Variants in RILPL1 observed in about 807,000 individuals in gnomAD.
RILPL1 encodes the protein Rab interacting lysosomal protein like 1.
RILPL1 carries 33 observed loss-of-function variants against 50.3 expected under a neutral mutation model. The ratio of observed to expected loss-of-function variants is 0.66; its 90% CI spans 0.50 to 0.88. The LOEUF (loss-of-function observed/expected upper bound fraction) is 0.88. Ranked by LOEUF, RILPL1 falls within the 40% of genes least tolerant of loss-of-function variation. RILPL1 has a pLI of 0.00. For missense variants in RILPL1, 418 were observed against 542.5 expected (o/e 0.77, Z 2.28); for synonymous variants, 205 against 228.6 (o/e 0.90, Z 0.93).
At chr12:123,520,464 C>T (rs374087204) in intron 2 of RILPL1, among the ~76,000 whole-genome samples, 12 of 152,112 alleles carry the variant, frequency 7.9e-5, no homozygotes, top group African/African-American at 2.9e-4. Flanking sequence ...GAGGCTGAGG[C>T]AGGAGGATCA....
rs1399502086 is a variant in RILPL1, at chr12:123,533,507, G to A, written c.-25C>T. On this transcript the variant is annotated 5_prime_UTR_variant, in exon 1 of 7. Coordinates refer to ENST00000376874, the MANE Select transcript of RILPL1 (RefSeq NM_178314.5). This position sits in a 1 kb window ranked among gnomAD's most constrained non-coding sequence, Gnocchi z 6.2. Reference sequence around the variant, plus strand: ...TGGCCACCCTCCTGGCCTGTCCCCCGCCCCGCAAACTCGTGCAACTCCCAA... The same window carrying A: ...TGGCCACCCTCCTGGCCTGTCCCCCACCCCGCAAACTCGTGCAACTCCCAA... 2 of 1,478,974 alleles carry A rather than the reference G, an allele frequency of 1.4e-6. No homozygotes were observed. The highest frequency in any genetic ancestry group is 1.8e-6 in the Non-Finnish European group (2 of 1,109,310). The allele number at this position is 1,478,974 out of a possible 1,614,324, so 91.6% of individuals were successfully genotyped here.
rs1046763646 is a variant in RILPL1, at chr12:123,475,705, T to C, written c.1068-3023A>G. 2.5e-6 allele frequency: 4 copies of C among 1,594,398 alleles called. No individual in the cohort carries two copies. The African/African-American group carries it at 5.3e-5, about 21-fold the overall frequency. ...GGACAGGCTGCAGTGTGGGGTCATC[T>C]ATTATCAGTCCCGCTGCTACCATAG... On this transcript the variant is annotated intron_variant, in intron 6 of 6. Transcript: ENST00000376874.
At position 123,523,586 on chromosome 12, in the gene RILPL1, G is replaced by A. The variant is rs776535034; in HGVS notation, c.369C>T (p.Ile123=). ...GCTTGTTCTCCTCCTGCAGCTGGGC[G>A]ATCTGGGAGAGGAGGTCCTGCGCCT... ...RGEAQDLLSQ[I]AQLQEENKQL... is the part of the protein sequence containing the mutation. Residue 123 remains isoleucine, a synonymous_variant, in exon 2 of 7, where the codon ATC becomes ATT. Transcript: ENST00000376874. The A allele has an allele frequency of 1.1e-5, 18 of 1,613,854 alleles. No homozygotes were observed. Among genetic ancestry groups the A allele is most frequent in the Middle Eastern group, 1.6e-4 (1 of 6,084 alleles).
At chr12:123,492,781 G>A (rs960856003) in intron 4 of RILPL1, among the ~76,000 whole-genome samples, 2 of 152,052 alleles carry the variant, frequency 1.3e-5, no homozygotes, top group South Asian at 2.1e-4. Flanking sequence ...CCCCAACCCC[G>A]TGCTCTCTGA....
intron 6 of RILPL1, among the ~76,000 whole-genome samples, chr12:123,481,559 C>CT (rs113872165): frequency 0.093 from 13,131 of 141,830 alleles, 1,102 homozygotes; most frequent in African/African-American, 0.22. Context: ...AATTTGTTTT[C>CT]TTTTTTTTTT....
intron 4 of RILPL1, among the ~76,000 whole-genome samples, chr12:123,497,520 C>G (rs1883103977): frequency 6.6e-6 from 1 of 152,132 alleles, no homozygotes; most frequent in Non-Finnish European, 1.5e-5. Flanking sequence ...TCCCAAGTAG[C>G]TGGGATAACA....
chr12:123,479,277 C>G (rs1485709342), intron 6 of RILPL1, among the ~76,000 whole-genome samples: 1 of 152,024 alleles, frequency 6.6e-6, no homozygotes, highest in Non-Finnish European at 1.5e-5. Flanking sequence ...TACTTTAGTT[C>G]AAGTACTCTA....
intron 1 of RILPL1, among the ~76,000 whole-genome samples, chr12:123,528,787 T>C (rs1187587748): frequency 6.6e-6 from 1 of 151,274 alleles, no homozygotes; most frequent in Non-Finnish European, 1.5e-5. Flanking sequence ...CCCTAAATTC[T>C]TTTTTTTTCT....
intron 2 of RILPL1, among the ~76,000 whole-genome samples, chr12:123,510,050 C>T (rs549831827): frequency 5.9e-5 from 9 of 152,308 alleles, no homozygotes; most frequent in South Asian, 4.1e-4. Context: ...GGGAGCCCAG[C>T]GGCAGGGCAG....
chr12:123,517,233 T>G (rs1229844547), intron 2 of RILPL1, among the ~76,000 whole-genome samples: 1 of 152,138 alleles, frequency 6.6e-6, no homozygotes, highest in Non-Finnish European at 1.5e-5. Flanking sequence ...GAAGGACTCC[T>G]GCTGAGAGGC....
chr12:123,501,106 C>G (rs1176808325), intron 2 of RILPL1, among the ~76,000 whole-genome samples: 1 of 151,060 alleles, frequency 6.6e-6, no homozygotes, highest in African/African-American at 2.4e-5. Flanking sequence ...AAGACTCTGT[C>G]CCAAAAATAA....
chr12:123,475,640 C>A (rs773624323), intron 6 of RILPL1: 1 of 1,531,842 alleles, frequency 6.5e-7, no homozygotes. Context: ...TCAAACAAAA[C>A]CCAAAACACA....
chr12:123,521,033 C>T (rs1000722117), intron 2 of RILPL1, among the ~76,000 whole-genome samples: 5 of 152,308 alleles, frequency 3.3e-5, no homozygotes, highest in African/African-American at 4.8e-5. Flanking sequence ...CACTAACTTG[C>T]TGTGTGACCT....
At chr12:123,530,023 C>T (rs1156323580) in intron 1 of RILPL1, among the ~76,000 whole-genome samples, 13 of 152,070 alleles carry the variant, frequency 8.5e-5, no homozygotes, top group Admixed American at 7.2e-4. Flanking sequence ...GGGTTAAAGA[C>T]ACACCAGATT....
chr12:123,471,166 G>GT lies in RILPL1; in HGVS notation c.*1371dup, dbSNP rs1373177964. ...GCTCACTGCAACCTCTGCCTCCTAG[G>GT]TTCAAGGAATTCTCCTGTCTCGGCC... On this transcript the variant is annotated 3_prime_UTR_variant, in exon 7 of 7. Coordinates refer to ENST00000376874, the MANE Select transcript of RILPL1 (RefSeq NM_178314.5). The GT allele has an allele frequency of 6.6e-6, 1 of 151,398 alleles. No individual in the cohort carries two copies. Among genetic ancestry groups the GT allele is most frequent in the Non-Finnish European group, 1.5e-5 (1 of 67,992 alleles). The allele number at this position is 151,398 out of a possible 1,614,324, so 9.4% of individuals were successfully genotyped here.
At chr12:123,499,582 T>C in intron 2 of RILPL1, 46 bp from the exon 3 acceptor site, 1 of 1,404,906 alleles carries the variant, frequency 7.1e-7, no homozygotes. Flanking sequence ...CTTACTCCTA[T>C]GTTGAAATCA....
intron 2 of RILPL1, among the ~76,000 whole-genome samples, chr12:123,500,210 G>A (rs1401710305): frequency 6.0e-5 from 9 of 151,106 alleles, no homozygotes; most frequent in African/African-American, 2.2e-4. Context: ...GGTTACAGGC[G>A]TGAGCCACCG....
intron 4 of RILPL1, among the ~76,000 whole-genome samples, chr12:123,493,887 C>T (rs1793424904): frequency 2.0e-5 from 3 of 151,334 alleles, no homozygotes; most frequent in Non-Finnish European, 2.9e-5. Flanking sequence ...CGGGTTCAAG[C>T]GATTCTCCTG....
At chr12:123,487,179 T>C (rs1044457672) in intron 4 of RILPL1, among the ~76,000 whole-genome samples, 36 of 152,236 alleles carry the variant, frequency 2.4e-4, no homozygotes, top group African/African-American at 8.7e-4. Flanking sequence ...TTTCTGTCTA[T>C]GGACTGCCTA....
Sources: gnomAD v4.1 joint callset for allele counts (sites outside exome capture counted in the v4.1 genomes callset) on GRCh38, gnomAD v4.1.1 for gene constraint, Gnocchi (gnomAD v3.1) non-coding constraint, MANE v1.5 for transcripts, NCBI Gene and HGNC (gene_info 2026-07-23, HGNC 2026-07-21) for gene names.